CFAP74: variants seen among roughly 807,000 people sequenced by gnomAD.
CFAP74 encodes the protein cilia and flagella associated protein 74.
In CFAP74, 124 loss-of-function variants were observed where a neutral mutation model predicts 188.9. The ratio of observed to expected loss-of-function variants is 0.66; its 90% confidence interval spans 0.57 to 0.76. CFAP74 has a LOEUF of 0.76. Among genes scored for constraint, CFAP74 ranks in the 30% least tolerant of loss-of-function variants. CFAP74 has a pLI of 0.00. For missense variants in CFAP74, 2,198 were observed against 2,165.2 expected (o/e 1.02, Z -0.30); for synonymous variants, 956 against 916.7 (o/e 1.04, Z -0.77).
At chr1:1,966,880 G>GTAA (rs1655511599) in intron 11 of CFAP74, among the ~76,000 whole-genome samples, 1 of 144,002 alleles carries the variant, frequency 6.9e-6, no homozygotes. Context: ...ACTGTCACCT[G>GTAA]GGCTAGAGTG....
At chr1:1,958,245 C>T (rs1464753696) in intron 16 of CFAP74, among the ~76,000 whole-genome samples, 2 of 152,246 alleles carry the variant, frequency 1.3e-5, no homozygotes, top group Non-Finnish European at 2.9e-5. Context: ...GGGGACATAG[C>T]GCGCCTCTGC....
chr1:1,993,855 G>C (rs976242617), intron 1 of CFAP74, among the ~76,000 whole-genome samples: 1 of 150,704 alleles, frequency 6.6e-6, no homozygotes. Flanking sequence ...GGTGGCGGGC[G>C]CCTATAGTCC....
chr1:1,977,998 GCCACCACAC>G (rs1656560062), intron 6 of CFAP74, among the ~76,000 whole-genome samples: 1 of 152,136 alleles, frequency 6.6e-6, no homozygotes, highest in South Asian at 2.1e-4. Flanking sequence ...ACAGGTGCAC[GCCACCACAC>G]CCAGCTAAGT....
Position 1,923,852 on chromosome 1 carries a change from C to A in CFAP74, c.4312G>T (p.Asp1438Tyr). The A allele has an allele frequency of 6.2e-7, 1 of 1,613,368 alleles. No individual in the cohort carries two copies. Among genetic ancestry groups the A allele is most frequent in the Non-Finnish European group, 8.5e-7 (1 of 1,179,790 alleles). ...TCGGGGCTGAAGGTGACAGTGAAGT[C>A]TTGTGTCTTCCCGGGGTCCATGACG... Reference protein sequence around the residue: ...KGVMDPGKTQDFTVTFSPDHE... With the variant: ...KGVMDPGKTQYFTVTFSPDHE... The change falls in exon 35 of 39, where the codon GAC becomes TAC. Residue 1438 changes from aspartate to tyrosine, a missense_variant. By Grantham distance (160) the Asp-to-Tyr change is radical. Transcript: ENST00000682832. This position sits in a 1 kb window ranked among gnomAD's most constrained non-coding sequence, Gnocchi z 6.3.
rs763822317 is a variant in CFAP74 at position 1,985,461 on chromosome 1, G to A, written c.425C>T (p.Ser142Phe). 1.6e-5 allele frequency: 26 copies of A among 1,613,860 alleles called. No individual in the cohort carries two copies. In the South Asian group the frequency reaches 2.7e-4, roughly 17 times the overall value. The change falls in exon 6 of 39, where the codon TCC (serine) becomes TTC (phenylalanine). Residue 142 changes from serine (S) to phenylalanine (F), a missense_variant. By Grantham distance (155) the Ser-to-Phe change is radical. Transcript: ENST00000682832. The part of the protein sequence containing the change: ...MAAVGRLQAV[S>F]RRLFAELENE... Reference sequence around the variant, plus strand: ...CTCCAGCTCTGCAAACAGGCGTCTGGACACGGCCTGGAGGCGGCCCACAGC... The same window carrying A: ...CTCCAGCTCTGCAAACAGGCGTCTGAACACGGCCTGGAGGCGGCCCACAGC...
rs1380630893 is a variant in CFAP74, at chr1:1,968,104, T to C, written c.1245+531A>G. On this transcript the variant is annotated intron_variant, in intron 11 of 38. Coordinates refer to ENST00000682832, the MANE Select transcript of CFAP74 (RefSeq NM_001304360.2). This position sits in a 1 kb window ranked among gnomAD's most constrained non-coding sequence, Gnocchi z 4.3. ...AGTAAAGAGTGAATGAGTGAATGAATGAGTGAATGAATGAAGAATGAGTGA... is the reference window on the plus strand; with the variant it reads ...AGTAAAGAGTGAATGAGTGAATGAACGAGTGAATGAATGAAGAATGAGTGA... Among the ~76,000 whole-genome samples, 1 of 93,376 alleles carries C rather than the reference T, an allele frequency of 1.1e-5. No individual in the cohort carries two copies. Among genetic ancestry groups the C allele is most frequent in the Non-Finnish European group, 2.6e-5 (1 of 38,620 alleles). 61.3% of individuals were successfully genotyped at this position (93,376 alleles called of 152,430 possible).
chr1:1,932,144 C>A (rs1405721902), intron 25 of CFAP74, among the ~76,000 whole-genome samples: 1 of 150,936 alleles, frequency 6.6e-6, no homozygotes, highest in Non-Finnish European at 1.5e-5. Flanking sequence ...CGCCTGTAAT[C>A]CCAGCACTTT....
intron 4 of CFAP74, among the ~76,000 whole-genome samples, chr1:1,987,761 C>CA (rs532145493): frequency 2.5e-3 from 373 of 152,238 alleles, no homozygotes; most frequent in African/African-American, 8.3e-3. Flanking sequence ...AGGCTGGTCT[C>CA]AAACTCCTGA....
intron 20 of CFAP74, among the ~76,000 whole-genome samples, 186 bp downstream of exon 20, chr1:1,946,129 TGC>T (rs1271922115): frequency 1.3e-5 from 2 of 152,144 alleles, no homozygotes; most frequent in African/African-American, 4.8e-5. Flanking sequence ...TGCCTGTGTA[TGC>T]CAGTGTGCGT....
intron 1 of CFAP74, among the ~76,000 whole-genome samples, chr1:2,000,721 TCTC>T (rs1658165270): frequency 6.6e-6 from 1 of 152,104 alleles, no homozygotes; most frequent in South Asian, 2.1e-4. Flanking sequence ...TGTCCAAATT[TCTC>T]CTTTTTATAA....
intron 16 of CFAP74, 132 bp downstream of exon 16, chr1:1,958,988 C>T: frequency 4.6e-6 from 3 of 646,898 alleles, no homozygotes; most frequent in Non-Finnish European, 8.1e-6. Flanking sequence ...GGGGCTCAGC[C>T]CCTGGTGAAG....
intron 22 of CFAP74, among the ~76,000 whole-genome samples, chr1:1,941,625 G>T (rs956682627): frequency 6.6e-6 from 1 of 152,132 alleles, no homozygotes; most frequent in Non-Finnish European, 1.5e-5. Flanking sequence ...AGACAGCGGG[G>T]GAGTGCACGG....
At chr1:1,970,619 G>A (rs1655883284) in intron 10 of CFAP74, 40 bp downstream of exon 10, 1 of 1,568,540 alleles carries the variant, frequency 6.4e-7, no homozygotes, top group Non-Finnish European at 8.7e-7. Context: ...CCACTGACTG[G>A]GCGGGTGCCT....
At chr1:1,979,509 C>T (rs1248135276) in intron 6 of CFAP74, among the ~76,000 whole-genome samples, 4 of 126,036 alleles carry the variant, frequency 3.2e-5, no homozygotes, top group Non-Finnish European at 3.4e-5. Flanking sequence ...GAAGGCGTCA[C>T]GTGACGAAGC....
At chr1:1,932,091 A>C (rs1652446952) in intron 25 of CFAP74, among the ~76,000 whole-genome samples, 1 of 140,972 alleles carries the variant, frequency 7.1e-6, no homozygotes, top group African/African-American at 2.6e-5. Context: ...AAAAAACAAA[A>C]AACAAAAAAC....
At chr1:1,938,397 C>G (rs1257471284) in intron 25 of CFAP74, among the ~76,000 whole-genome samples, 1 of 149,482 alleles carries the variant, frequency 6.7e-6, no homozygotes, top group African/African-American at 2.6e-5. Flanking sequence ...CACATAGGCA[C>G]TCACCCCCAT....
At position 1,963,780 on chromosome 1, in the gene CFAP74, C is replaced by T; in HGVS notation, c.1663G>A (p.Glu555Lys). 1 of 1,613,850 alleles carries T rather than the reference C, an allele frequency of 6.2e-7. No individual in the cohort carries two copies. Among genetic ancestry groups the T allele is most frequent in the African/African-American group, 1.3e-5 (1 of 75,030 alleles). The change falls in exon 14 of 39, where the codon GAG becomes AAG. Residue 555 changes from glutamate to lysine, a missense_variant. Transcript: ENST00000682832. ...TINYCKLVGV[E>K]EHLRDFIHVD... ...TGGATGAAGTCCCGGAGGTGCTCCT[C>T]CACGCCCACCAGCTTGCAGTAGTTG...
At chr1:1,945,977 G>T (rs559055170) in intron 20 of CFAP74, among the ~76,000 whole-genome samples, 25 of 53,362 alleles carry the variant, frequency 4.7e-4, no homozygotes, top group African/African-American at 6.1e-4. Context: ...TGTGCGTGTG[G>T]GGGGGGCTCT....
chr1:1,939,472 G>A, intron 24 of CFAP74, 122 bp downstream of exon 24: 1 of 963,344 alleles, frequency 1.0e-6, no homozygotes, highest in South Asian at 1.6e-5. Flanking sequence ...GGGTGCAGCT[G>A]AGAGGCGGAA....
Sources: gnomAD v4.1 joint callset for allele counts (sites outside exome capture counted in the v4.1 genomes callset) on GRCh38, gnomAD v4.1.1 for gene constraint, Gnocchi (gnomAD v3.1) non-coding constraint, MANE v1.5 for transcripts, NCBI Gene and HGNC (gene_info 2026-07-23, HGNC 2026-07-21) for gene names.